FAM185A: variants seen among roughly 807,000 people sequenced by gnomAD.
The protein encoded by FAM185A is family with sequence similarity 185 member A, also known as protein FAM185A.
Under a neutral mutation model 45.7 loss-of-function variants are expected in FAM185A, and 21 were observed. That is an observed-to-expected ratio of 0.46 (90% CI 0.33 to 0.66). The LOEUF is 0.66. Ranked by LOEUF, FAM185A falls within the 30% of genes least tolerant of loss-of-function variation. FAM185A has a pLI of 0.03. For missense variants in FAM185A, 305 were observed against 485.4 expected (o/e 0.63, Z 3.49); for synonymous variants, 117 against 194.0 (o/e 0.60, Z 3.30).
intron 7 of FAM185A, among the ~76,000 whole-genome samples, chr7:102,802,343 T>C (rs1197680670): frequency 6.6e-6 from 1 of 152,156 alleles, no homozygotes; most frequent in African/African-American, 2.4e-5. Context: ...TCAAGCACTC[T>C]CTCAGACCAC....
intron 4 of FAM185A, among the ~76,000 whole-genome samples, chr7:102,771,190 A>ATT (rs1490857175): frequency 6.6e-6 from 1 of 152,084 alleles, no homozygotes; most frequent in African/African-American, 2.4e-5. Flanking sequence ...TGGCAACAGT[A>ATT]GAAACTGGAG....
chr7:102,769,709 G>A (rs556282116), intron 4 of FAM185A, among the ~76,000 whole-genome samples: 2 of 152,226 alleles, frequency 1.3e-5, no homozygotes, highest in East Asian at 3.9e-4. Context: ...TCTGGAGGCT[G>A]AGAAGTCTGA....
rs1172998427 is a variant in FAM185A, at chr7:102,749,636, G to A, written c.429G>A (p.Glu143=). 9 of 1,484,134 alleles carry A rather than the reference G, an allele frequency of 6.1e-6. No homozygotes were observed. Among genetic ancestry groups the A allele is most frequent in the Non-Finnish European group, 7.2e-6 (8 of 1,118,374 alleles). 91.9% of individuals were successfully genotyped at this position (1,484,134 alleles called of 1,614,324 possible). The change falls in exon 1 of 8, where the codon GAG becomes GAA. Residue 143 remains glutamate, a synonymous_variant. Transcript: ENST00000413034. Reference sequence around the variant, plus strand: ...CTATCCACCCCCAGGCGTCCGTGGAGGTGAACGCGCCCCTGAAGTTTGGCA... The same window carrying A: ...CTATCCACCCCCAGGCGTCCGTGGAAGTGAACGCGCCCCTGAAGTTTGGCA... The part of the protein sequence containing the change: ...SDTIHPQASV[E]VNAPLKFGLD...
chr7:102,794,436 T>C (rs1796324874), intron 7 of FAM185A, among the ~76,000 whole-genome samples: 3 of 152,188 alleles, frequency 2.0e-5, no homozygotes, highest in Admixed American at 2.0e-4. Context: ...ATTAGGGAAA[T>C]GCACATTAAA....
chr7:102,787,530 T>C, intron 7 of FAM185A, 61 bp downstream of exon 7: 1 of 1,326,704 alleles, frequency 7.5e-7, no homozygotes, highest in Non-Finnish European at 9.8e-7. Context: ...TAAGTAGAAA[T>C]GTGGTACACT....
At chr7:102,796,790 A>G (rs1171062378) in intron 7 of FAM185A, among the ~76,000 whole-genome samples, 1 of 152,194 alleles carries the variant, frequency 6.6e-6, no homozygotes, top group African/African-American at 2.4e-5. Flanking sequence ...GGAAAATAAA[A>G]GTTATTATAA....
the FAM185A span, among the ~76,000 whole-genome samples, chr7:102,848,373 G>A: frequency 9.5e-6 from 1 of 105,084 alleles, no homozygotes; most frequent in Non-Finnish European, 1.8e-5. Context: ...TGGCTAACAC[G>A]GTGAAACCCC....
At chr7:102,776,099 T>TATATACACAC (rs1554372419) in intron 5 of FAM185A, among the ~76,000 whole-genome samples, 5 of 106,652 alleles carry the variant, frequency 4.7e-5, no homozygotes, top group Non-Finnish European at 7.1e-5. Flanking sequence ...TTGGCTCCTA[T>TATATACACAC]ACACACACAC....
intron 6 of FAM185A, among the ~76,000 whole-genome samples, chr7:102,783,752 C>T (rs1473979204): frequency 6.6e-6 from 1 of 151,766 alleles, no homozygotes; most frequent in East Asian, 1.9e-4. Flanking sequence ...AAATTGACAC[C>T]CTAACATCAC....
the FAM185A span, among the ~76,000 whole-genome samples, chr7:102,832,635 T>C: frequency 3.1e-4 from 47 of 152,242 alleles, no homozygotes; most frequent in African/African-American, 1.1e-3. Context: ...GTATGAGAAT[T>C]ATGTTTTTAA....
At chr7:102,843,881 G>A in the FAM185A span, among the ~76,000 whole-genome samples, 1 of 152,214 alleles carries the variant, frequency 6.6e-6, no homozygotes, top group Admixed American at 6.5e-5. Context: ...AATGAGAGAA[G>A]TGGAGGTTCT....
At chr7:102,846,399 C>A in the FAM185A span, among the ~76,000 whole-genome samples, 1 of 152,074 alleles carries the variant, frequency 6.6e-6, no homozygotes, top group Non-Finnish European at 1.5e-5. Flanking sequence ...AGGCAGATCA[C>A]CTGAGGTCAG....
At chr7:102,840,771 C>G in the FAM185A span, among the ~76,000 whole-genome samples, 11 of 152,022 alleles carry the variant, frequency 7.2e-5, no homozygotes, top group African/African-American at 2.7e-4. Flanking sequence ...ATCTATGTGA[C>G]CAGGAACAAG....
chr7:102,840,236 T>C, the FAM185A span, among the ~76,000 whole-genome samples: 1 of 152,250 alleles, frequency 6.6e-6, no homozygotes, highest in Non-Finnish European at 1.5e-5. Context: ...CTAGAATTTA[T>C]TGAGAAAAAT....
At chr7:102,791,730 C>T (rs1195533114) in intron 7 of FAM185A, among the ~76,000 whole-genome samples, 3 of 151,708 alleles carry the variant, frequency 2.0e-5, no homozygotes, top group African/African-American at 7.3e-5. Context: ...AATAATGGAC[C>T]TCAGGTGAAG....
At position 102,749,560 on chromosome 7, in the gene FAM185A, T is replaced by G. The variant is rs1562837931; in HGVS notation, c.353T>G (p.Leu118Arg). The G allele has an allele frequency of 6.6e-7, 1 of 1,523,412 alleles. No homozygotes were observed. Among genetic ancestry groups the G allele is most frequent in the South Asian group, 1.3e-5 (1 of 78,618 alleles). The allele number at this position is 1,523,412 out of a possible 1,614,324, so 94.4% of individuals were successfully genotyped here. Residue 118 changes from leucine (L) to arginine (R), a missense_variant, in exon 1 of 8, where the codon CTG (leucine) becomes CGG (arginine). Physicochemically the swap from Leu to Arg is moderately radical, Grantham distance 102. This residue lies in a region of FAM185A where 174 missense variants were observed against 247.1 expected (regional missense o/e 0.70). Transcript: ENST00000413034. ...VEGGVRGLDG[L>R]QVKYDEDLEE... ...GGCGGCGTGCGGGGCCTGGACGGCC[T>G]GCAGGTGAAGTACGACGAGGATCTG...
intron 7 of FAM185A, among the ~76,000 whole-genome samples, chr7:102,788,792 A>G (rs1207140900): frequency 1.3e-5 from 2 of 152,214 alleles, no homozygotes; most frequent in African/African-American, 2.4e-5. Context: ...GTAGTAGCCT[A>G]TTATTCCTAG....
At chr7:102,799,233 A>T (rs1392433954) in intron 7 of FAM185A, among the ~76,000 whole-genome samples, 4 of 152,180 alleles carry the variant, frequency 2.6e-5, no homozygotes, top group African/African-American at 9.7e-5. Context: ...TTGAACTCAG[A>T]GATTTTAACC....
intron 4 of FAM185A, among the ~76,000 whole-genome samples, chr7:102,771,752 T>C (rs533385826): frequency 6.6e-6 from 1 of 152,350 alleles, no homozygotes; most frequent in East Asian, 1.9e-4. Context: ...CAAACACACA[T>C]ATGAAGAATA....
Sources: allele counts gnomAD v4.1 joint callset (sites outside exome capture counted in the v4.1 genomes callset), GRCh38; gene constraint gnomAD v4.1.1; regional missense constraint gnomAD v4.1.1; transcripts MANE v1.5; gene names NCBI Gene and HGNC (gene_info 2026-07-23, HGNC 2026-07-21).